Variants in AK7 observed in about 807,000 individuals in gnomAD.
AK7 encodes ATP-AMP transphosphorylase 7.
Under a neutral mutation model 96.6 loss-of-function variants are expected in AK7, and 78 were observed. The ratio of observed to expected loss-of-function variants is 0.81; its 90% CI spans 0.67 to 0.97. The LOEUF is 0.97. Ranked by LOEUF, AK7 falls within the 50% of genes least tolerant of loss-of-function variation. The pLI is 0.00. For synonymous variants in AK7, 302 were observed against 317.2 expected (o/e 0.95, Z 0.51); for missense variants, 855 against 887.9 (o/e 0.96, Z 0.47).
chr14:96,407,845 T>C (rs1445845096), intron 3 of AK7, among the ~76,000 whole-genome samples: 1 of 152,112 alleles, frequency 6.6e-6, no homozygotes, highest in Non-Finnish European at 1.5e-5. Context: ...CCTCCCAAAG[T>C]GCTGGGATTA....
Position 96,483,194 on chromosome 14 carries a change from A to G in AK7, c.1949A>G (p.Glu650Gly). 6.2e-7 allele frequency: 1 copy of G among 1,609,596 alleles called. No homozygotes were observed. The highest frequency in any genetic ancestry group is 8.5e-7 in the Non-Finnish European group (1 of 1,178,126). ...CACCAGGAGGCCGTGGAGATGGCAG[A>G]GAAGATAGCTCGCTGGGAGGAGTGG... ...REHQEAVEMAEKIARWEEWNK... is the reference protein window; with the variant it reads ...REHQEAVEMAGKIARWEEWNK... Residue 650 changes from glutamate (E) to glycine (G), a missense_variant, in exon 16 of 18, where the codon GAG becomes GGG. Transcript: ENST00000267584.
chr14:96,425,103 A>G (rs758290352), intron 5 of AK7, among the ~76,000 whole-genome samples: 1 of 152,198 alleles, frequency 6.6e-6, no homozygotes, highest in Non-Finnish European at 1.5e-5. Context: ...GGTCATCCCA[A>G]TGATCTTTTT....
chr14:96,408,964 T>C, intron 4 of AK7, 23 bp downstream of exon 4: 1 of 1,610,624 alleles, frequency 6.2e-7, no homozygotes, highest in Non-Finnish European at 8.5e-7. Flanking sequence ...TTAGCTTTCC[T>C]TTAGGTAACA....
chr14:96,447,138 C>T (rs1312692650), intron 8 of AK7, among the ~76,000 whole-genome samples: 1 of 152,084 alleles, frequency 6.6e-6, no homozygotes, highest in Non-Finnish European at 1.5e-5. Context: ...ATAAGAAAGA[C>T]TGCTGTAGGG....
chr14:96,468,214 C>CAAAA (rs71103532), intron 12 of AK7, among the ~76,000 whole-genome samples: 1 of 107,186 alleles, frequency 9.3e-6, no homozygotes, highest in African/African-American at 3.3e-5. Context: ...GACCCTGTCT[C>CAAAA]AAAAAAAAAA....
At chr14:96,450,640 A>C (rs1893543556) in intron 9 of AK7, among the ~76,000 whole-genome samples, 1 of 152,008 alleles carries the variant, frequency 6.6e-6, no homozygotes, top group African/African-American at 2.4e-5. Context: ...CTTTTTAAGA[A>C]TAAATTGCAA....
chr14:96,456,587 C>G, intron 11 of AK7, 112 bp downstream of exon 11: 1 of 1,311,708 alleles, frequency 7.6e-7, no homozygotes, highest in Non-Finnish European at 1.0e-6. Flanking sequence ...TAGATGATCC[C>G]AATTTTGTTG....
intron 4 of AK7, among the ~76,000 whole-genome samples, chr14:96,409,383 C>T (rs1890908016): frequency 6.6e-6 from 1 of 152,116 alleles, no homozygotes; most frequent in African/African-American, 2.4e-5. Context: ...ACCAGCCTGG[C>T]CAACATGGCG....
intron 5 of AK7, among the ~76,000 whole-genome samples, chr14:96,426,772 G>C (rs2140056626): frequency 6.6e-6 from 1 of 152,296 alleles, no homozygotes; most frequent in African/African-American, 2.4e-5. Flanking sequence ...AAAGTCTGCT[G>C]CTAGATGTAT....
At chr14:96,425,448 A>C (rs1330149915) in intron 5 of AK7, among the ~76,000 whole-genome samples, 1 of 151,544 alleles carries the variant, frequency 6.6e-6, no homozygotes, top group Non-Finnish European at 1.5e-5. Flanking sequence ...CCTGATACCA[A>C]AATTGCTTTC....
rs759083600 is a variant in AK7 at position 96,421,000 on chromosome 14, G to T, written c.609+68G>T. On this transcript the variant is annotated intron_variant, in intron 5 of 17. Transcript: ENST00000267584. ...TAAACATCTCTTTGTGTGGTTTCCT[G>T]AGACTTACCCCACGGATGTCTGAGC... The T allele has an allele frequency of 8.1e-6, 9 of 1,111,962 alleles. 1 individual carries two copies. The highest frequency in any genetic ancestry group is 1.2e-5 in the Non-Finnish European group (9 of 746,630). The allele number at this position is 1,111,962 out of a possible 1,614,324, so 68.9% of individuals were successfully genotyped here.
intron 4 of AK7, among the ~76,000 whole-genome samples, chr14:96,410,755 C>A (rs1030629710): frequency 1.1e-4 from 17 of 152,164 alleles, no homozygotes; most frequent in African/African-American, 4.1e-4. Context: ...ATAATCCCAG[C>A]ACTTTGGGAA....
In AK7 at chr14:96,442,797, T is replaced by G; in HGVS notation, c.758T>G (p.Ile253Ser). 1 of 1,614,162 alleles carries G rather than the reference T, an allele frequency of 6.2e-7. No individual in the cohort carries two copies. Among genetic ancestry groups the G allele is most frequent in the Non-Finnish European group, 8.5e-7 (1 of 1,179,964 alleles). ...GATGGAACAAATGTAATTCCAACAA[T>G]CCATGTTCTTGATCTAGCAGGGTAA... is the stretch of plus-strand genomic sequence containing the variant. ...FGDGTNVIPT[I>S]HVLDLAGVIQ... Residue 253 changes from isoleucine (I) to serine (S), a missense_variant, in exon 7 of 18, where the codon ATC becomes AGC. Ile to Ser is a moderately radical substitution (Grantham distance 142). Coordinates refer to ENST00000267584, the MANE Select transcript of AK7 (RefSeq NM_152327.5).
At chr14:96,449,632 C>T (rs1014408393) in intron 8 of AK7, among the ~76,000 whole-genome samples, 170 bp from the exon 9 acceptor site, 1 of 152,190 alleles carries the variant, frequency 6.6e-6, no homozygotes, top group African/African-American at 2.4e-5. Flanking sequence ...CGGGGTTTCA[C>T]CATGTCAGCC....
intron 8 of AK7, among the ~76,000 whole-genome samples, chr14:96,448,253 C>T (rs951096557): frequency 2.0e-5 from 3 of 152,066 alleles, no homozygotes; most frequent in African/African-American, 7.2e-5. Context: ...TCTGTTTGAA[C>T]TGCTACAACA....
At chr14:96,460,142 A>G (rs1314139584) in intron 12 of AK7, among the ~76,000 whole-genome samples, 2 of 152,184 alleles carry the variant, frequency 1.3e-5, no homozygotes, top group Non-Finnish European at 2.9e-5. Flanking sequence ...GTCTGTTCCA[A>G]TCAAATAATT....
intron 2 of AK7, among the ~76,000 whole-genome samples, chr14:96,401,177 G>A (rs1890387887): frequency 1.3e-5 from 2 of 152,208 alleles, no homozygotes; most frequent in Admixed American, 1.3e-4. Flanking sequence ...ATCCACAGAT[G>A]AACGTGGAGC....
chr14:96,394,057 C>T (rs1328198756), intron 1 of AK7, among the ~76,000 whole-genome samples: 2 of 151,364 alleles, frequency 1.3e-5, no homozygotes, highest in Non-Finnish European at 1.5e-5. Flanking sequence ...TGCAGTGAGC[C>T]GAGATTGCAC....
chr14:96,481,694 T>C (rs1476841405), intron 15 of AK7, among the ~76,000 whole-genome samples: 1 of 150,146 alleles, frequency 6.7e-6, no homozygotes, highest in Non-Finnish European at 1.5e-5. Flanking sequence ...GCTACCGATA[T>C]GACTTTTACC....
Sources: allele counts gnomAD v4.1 joint callset (sites outside exome capture counted in the v4.1 genomes callset), GRCh38; gene constraint gnomAD v4.1.1; transcripts MANE v1.5; gene names NCBI Gene and HGNC (gene_info 2026-07-23, HGNC 2026-07-21).